GRB10: variants seen among roughly 807,000 people sequenced by gnomAD.
The protein encoded by GRB10 is growth factor receptor bound protein 10.
In GRB10, 20 loss-of-function variants were observed where a neutral mutation model predicts 80.9. That is an observed-to-expected ratio of 0.25 (90% CI 0.17 to 0.36). The LOEUF (loss-of-function observed/expected upper bound fraction) is 0.36, where lower values mean the gene tolerates loss of function less well. Among genes scored for constraint, GRB10 ranks in the 10% least tolerant of loss-of-function variants. The pLI is 1.00. For missense variants in GRB10, 548 were observed against 747.7 expected (o/e 0.73, Z 3.12); for synonymous variants, 291 against 291.5 (o/e 1.00, Z 0.02).
intron 5 of GRB10, among the ~76,000 whole-genome samples, chr7:50,681,809 T>C (rs952539643): frequency 6.6e-6 from 1 of 152,234 alleles, no homozygotes; most frequent in Non-Finnish European, 1.5e-5. Flanking sequence ...TTGCCTTCCA[T>C]GTGAGGTGTA....
rs1371105666 is a variant in GRB10, at chr7:50,782,311, C to CGCCGCG, written c.-327+107_-327+112dup. The CGCCGCG allele has an allele frequency of 6.7e-6, 1 of 150,308 alleles. No homozygotes were observed. The highest frequency in any genetic ancestry group is 3.2e-3 in the Middle Eastern group (1 of 314). 9.3% of individuals were successfully genotyped at this position (150,308 alleles called of 1,614,324 possible). A position where few individuals can be genotyped will look rare whatever the true frequency, so the allele number is the denominator to read the frequency against. ...CCCCGCCTCCCTCCCGGGCCCTGTCCGCCGCGGCCGGGGCCTCTGCAGCCT... is the reference window on the plus strand; with the variant it reads ...CCCCGCCTCCCTCCCGGGCCCTGTCCGCCGCGGCCGCGGCCGGGGCCTCTGCAGCCT... On this transcript the variant is annotated intron_variant, in intron 1 of 18. Coordinates refer to ENST00000401949, the MANE Select transcript of GRB10 (RefSeq NM_001350814.2). The surrounding 1 kb of genome is among the most constrained non-coding windows in gnomAD (Gnocchi z 6.6).
At chr7:50,639,335 T>G (rs144152957) in intron 7 of GRB10, among the ~76,000 whole-genome samples, 20 of 152,352 alleles carry the variant, frequency 1.3e-4, no homozygotes, top group Non-Finnish European at 2.6e-4. Flanking sequence ...AAATCCTTTT[T>G]TCTAAAGGAG....
intron 5 of GRB10, among the ~76,000 whole-genome samples, chr7:50,696,513 C>T (rs929923962): frequency 2.6e-5 from 4 of 152,208 alleles, no homozygotes; most frequent in South Asian, 2.1e-4. Flanking sequence ...CTGCACCACA[C>T]GGCCCACTAA....
At chr7:50,652,269 G>A (rs554220423) in intron 7 of GRB10, among the ~76,000 whole-genome samples, 1 of 152,254 alleles carries the variant, frequency 6.6e-6, no homozygotes, top group Non-Finnish European at 1.5e-5. Flanking sequence ...GCAGACACCC[G>A]TTAAGTACCT....
chr7:50,792,193 A>G (rs1449459247), intron 1 of GRB10, among the ~76,000 whole-genome samples: 1 of 152,182 alleles, frequency 6.6e-6, no homozygotes, highest in Non-Finnish European at 1.5e-5. Context: ...AAGTTGTGCA[A>G]TAACGCATAT....
rs150296756 is a variant in GRB10, at chr7:50,739,135, C to A, written c.-46-6767G>T. 3.3e-5 allele frequency among the ~76,000 whole-genome samples: 5 copies of A among 152,292 alleles called. No homozygotes were observed. The East Asian group carries it at 9.6e-4, about 29-fold the overall frequency. The stretch of plus-strand genomic sequence containing the variant: ...AATGCCAATATTTACACTTCTGGAT[C>A]CAGCAGCTGAAGTTGAACGTCTTTG... On this transcript the variant is annotated intron_variant, in intron 3 of 18. Coordinates refer to ENST00000401949, the MANE Select transcript of GRB10 (RefSeq NM_001350814.2).
chr7:50,620,669 T>C (rs1446813240), intron 8 of GRB10, among the ~76,000 whole-genome samples: 1 of 152,218 alleles, frequency 6.6e-6, no homozygotes, highest in Non-Finnish European at 1.5e-5. Context: ...CAGTTCCCAT[T>C]TGTCCCTGTC....
intron 3 of GRB10, among the ~76,000 whole-genome samples, chr7:50,736,984 T>C (rs1237397642): frequency 1.3e-5 from 2 of 152,118 alleles, no homozygotes; most frequent in Non-Finnish European, 2.9e-5. Context: ...AATATGACAA[T>C]GATTTCTCAG....
At chr7:50,790,202 A>AG (rs2078853453) in intron 1 of GRB10, among the ~76,000 whole-genome samples, 1 of 152,260 alleles carries the variant, frequency 6.6e-6, no homozygotes, top group Admixed American at 6.5e-5. Flanking sequence ...AATACCAGCC[A>AG]GGGGCTGAAT....
chr7:50,709,728 G>C (rs751478571), intron 4 of GRB10, among the ~76,000 whole-genome samples: 1 of 152,118 alleles, frequency 6.6e-6, no homozygotes, highest in Non-Finnish European at 1.5e-5. Context: ...GAAGAAAATG[G>C]TGAGCTGTGC....
chr7:50,616,293 C>A lies in GRB10; in HGVS notation c.901G>T (p.Glu301Ter). 6.2e-7 allele frequency: 1 copy of A among 1,614,194 alleles called. No homozygotes were observed. Among genetic ancestry groups the A allele is most frequent in the Non-Finnish European group, 8.5e-7 (1 of 1,180,010 alleles). The change falls in exon 11 of 19, where the codon GAG becomes TAG. Residue 301 changes from glutamate to a stop codon, truncating the protein, a stop_gained. Transcript: ENST00000401949. LOFTEE classifies it high-confidence loss of function. ...PEIQGFLHVK[E>*]LGKKSWKKLY... Reference sequence around the variant, plus strand: ...TTTTTCCATGATTTCTTTCCCAGCTCTTTCACATGCAAAAACCCTTGAATT... The same window carrying A: ...TTTTTCCATGATTTCTTTCCCAGCTATTTCACATGCAAAAACCCTTGAATT...
intron 7 of GRB10, among the ~76,000 whole-genome samples, chr7:50,649,024 T>C (rs1243227019): frequency 1.3e-5 from 2 of 152,100 alleles, no homozygotes; most frequent in Admixed American, 6.5e-5. Context: ...GTTCTGATCC[T>C]GGCTCTGCCA....
rs1221787092 is a variant in GRB10, at chr7:50,591,144, C to A, written c.*1808G>T. 1 of 152,212 alleles carries A rather than the reference C, an allele frequency of 6.6e-6. No individual in the cohort carries two copies. The highest frequency in any genetic ancestry group is 1.5e-5 in the Non-Finnish European group (1 of 68,036). The allele number at this position is 152,212 out of a possible 1,614,324, so 9.4% of individuals were successfully genotyped here. A position where few individuals can be genotyped will look rare whatever the true frequency, so the allele number is the denominator to read the frequency against. ...ATCTTACTGTCAATAGTTTGAAAGACTGACTGGCTGCGAAAGGAAGAAAAT... is the reference window on the plus strand; with the variant it reads ...ATCTTACTGTCAATAGTTTGAAAGAATGACTGGCTGCGAAAGGAAGAAAAT... On this transcript the variant is annotated 3_prime_UTR_variant, in exon 19 of 19. Coordinates refer to ENST00000401949, the MANE Select transcript of GRB10 (RefSeq NM_001350814.2).
chr7:50,732,161 T>A, intron 4 of GRB10, 111 bp downstream of exon 4: 1 of 1,088,402 alleles, frequency 9.2e-7, no homozygotes, highest in Non-Finnish European at 1.4e-6. Flanking sequence ...CTCCAGCGTG[T>A]CCTAGTGACC....
intron 6 of GRB10, among the ~76,000 whole-genome samples, chr7:50,671,361 G>A (rs191726991): frequency 6.6e-6 from 1 of 152,126 alleles, no homozygotes; most frequent in Non-Finnish European, 1.5e-5. Context: ...CAGGAGATTT[G>A]CCACTACAGA....
At position 50,667,624 on chromosome 7, in the gene GRB10, C is replaced by T. The variant is rs540623172; in HGVS notation, c.504+2098G>A. Reference sequence around the variant, plus strand: ...CTTTTCATGAGATCAGAAGTCAACACCAAGTACAGATAAAGAAATATCCCT... The same window carrying T: ...CTTTTCATGAGATCAGAAGTCAACATCAAGTACAGATAAAGAAATATCCCT... On this transcript the variant is annotated intron_variant, in intron 7 of 18. Coordinates refer to ENST00000401949, the MANE Select transcript of GRB10 (RefSeq NM_001350814.2). Among the ~76,000 whole-genome samples the T allele has an allele frequency of 7.9e-5, 12 of 151,350 alleles. No homozygotes were observed. The South Asian group carries it at 1.5e-3, about 18-fold the overall frequency.
intron 5 of GRB10, among the ~76,000 whole-genome samples, chr7:50,685,882 A>G (rs1038319887): frequency 2.0e-5 from 3 of 152,146 alleles, no homozygotes; most frequent in Non-Finnish European, 4.4e-5. Context: ...CAGAATGTGG[A>G]TGGAAATGCA....
At chr7:50,662,713 T>C (rs1161434508) in intron 7 of GRB10, among the ~76,000 whole-genome samples, 2 of 152,206 alleles carry the variant, frequency 1.3e-5, no homozygotes, top group Non-Finnish European at 2.9e-5. Flanking sequence ...CCTTGCAGCA[T>C]GTGGAAGTGC....
chr7:50,606,264 T>C (rs757915067), intron 14 of GRB10, 73 bp downstream of exon 14: 21 of 1,179,902 alleles, frequency 1.8e-5, no homozygotes, highest in Non-Finnish European at 2.7e-5. Context: ...CTGTGTGAAA[T>C]GAGGCGTCCT....
Sources: allele counts gnomAD v4.1 joint callset (sites outside exome capture counted in the v4.1 genomes callset), GRCh38; gene constraint gnomAD v4.1.1; non-coding constraint Gnocchi (gnomAD v3.1); transcripts MANE v1.5; gene names NCBI Gene and HGNC (gene_info 2026-07-23, HGNC 2026-07-21).